PPP2R2B: variants seen among roughly 807,000 people sequenced by gnomAD.
The protein encoded by PPP2R2B is protein phosphatase 2 regulatory subunit Bbeta.
In PPP2R2B, 5 loss-of-function variants were observed where a neutral mutation model predicts 46.0. The ratio of observed to expected loss-of-function variants is 0.11; its 90% CI spans 0.06 to 0.23. The LOEUF (loss-of-function observed/expected upper bound fraction) is 0.23, where lower values mean the gene tolerates loss of function less well. Ranked by LOEUF, PPP2R2B falls within the 10% of genes least tolerant of loss-of-function variation. The probability of loss-of-function intolerance (pLI) is 1.00; values close to 1 mark genes in which losing one functional copy is unlikely to be tolerated. For synonymous variants in PPP2R2B, 215 were observed against 206.7 expected, an observed-to-expected ratio of 1.04 and a Z score of -0.34; for missense variants, 367 against 575.0, an observed-to-expected ratio of 0.64 and a Z score of 3.70.
rs184050005 is a variant in PPP2R2B at position 146,891,065 on chromosome 5, G to A, written c.79+164600C>T. ...TATCATGTCCCCAGCAAATTTTTTC[G>A]TAGAGAATAAAAGTGGCTGTCACAG... On this transcript the variant is annotated intron_variant, in intron 1 of 8. Transcript: ENST00000336640. Among the ~76,000 whole-genome samples the A allele has an allele frequency of 1.2e-3, 182 of 152,266 alleles. 1 individual carries two copies. The highest frequency in any genetic ancestry group is 4.2e-3 in the African/African-American group (174 of 41,554).
chr5:146,823,267 G>T (rs1477780430), intron 2 of PPP2R2B, among the ~76,000 whole-genome samples: 1 of 151,934 alleles, frequency 6.6e-6, no homozygotes, highest in East Asian at 1.9e-4. Flanking sequence ...GCATGATCTC[G>T]ACTCACTGCA....
At chr5:146,913,496 C>T (rs1028400783) in intron 1 of PPP2R2B, among the ~76,000 whole-genome samples, 2 of 151,880 alleles carry the variant, frequency 1.3e-5, no homozygotes, top group Admixed American at 6.6e-5. Context: ...CCAGTAATGA[C>T]TGAAATTCTA....
intron 1 of PPP2R2B, among the ~76,000 whole-genome samples, chr5:146,987,519 C>A (rs553468372): frequency 1.3e-5 from 2 of 151,904 alleles, no homozygotes; most frequent in Non-Finnish European, 2.9e-5. Context: ...TTTTTTGTTT[C>A]TTTTATTGTC....
At chr5:146,973,759 C>T (rs1172056494) in intron 1 of PPP2R2B, among the ~76,000 whole-genome samples, 1 of 152,104 alleles carries the variant, frequency 6.6e-6, no homozygotes, top group African/African-American at 2.4e-5. Flanking sequence ...TTTAAAACAT[C>T]TTTGACAAGG....
At chr5:146,787,921 C>T (rs1561907146) in intron 2 of PPP2R2B, among the ~76,000 whole-genome samples, 1 of 152,270 alleles carries the variant, frequency 6.6e-6, no homozygotes, top group East Asian at 1.9e-4. Context: ...TAACATGCTG[C>T]TTCAATGAAA....
At chr5:146,809,979 A>G (rs1381234503) in intron 2 of PPP2R2B, among the ~76,000 whole-genome samples, 1 of 152,134 alleles carries the variant, frequency 6.6e-6, no homozygotes, top group Non-Finnish European at 1.5e-5. Context: ...TTGCTAGCCA[A>G]TCTGTTGTGT....
chr5:146,694,876 G>A (rs148364794), intron 4 of PPP2R2B, among the ~76,000 whole-genome samples: 126 of 152,072 alleles, frequency 8.3e-4, no homozygotes, highest in Non-Finnish European at 1.2e-3. Flanking sequence ...TTTACAGTAT[G>A]CATTTGCCTA....
At chr5:146,764,302 C>T (rs909931860) in intron 2 of PPP2R2B, among the ~76,000 whole-genome samples, 1 of 152,154 alleles carries the variant, frequency 6.6e-6, no homozygotes, top group Non-Finnish European at 1.5e-5. Flanking sequence ...AGCCAGGAGC[C>T]ACTGAAGATT....
intron 2 of PPP2R2B, among the ~76,000 whole-genome samples, chr5:146,746,623 T>C (rs1253624590): frequency 6.6e-6 from 1 of 152,216 alleles, no homozygotes; most frequent in Non-Finnish European, 1.5e-5. Flanking sequence ...TAAAATCTTT[T>C]GGAATTTTCT....
chr5:147,069,536 C>T (rs1000580631), intron 2 of PPP2R2B, among the ~76,000 whole-genome samples: 3 of 152,148 alleles, frequency 2.0e-5, no homozygotes, highest in African/African-American at 7.2e-5. Context: ...TCTTCCCTTA[C>T]TGACCAATCC....
rs1245585258 is a variant in PPP2R2B at position 146,591,325 on chromosome 5, A to G, written c.1053-1099T>C. On this transcript the variant is annotated intron_variant, in intron 9 of 9. Transcript: ENST00000394411. ...TTTTGGGCACGTTGTCACCTGTACC[A>G]GGTAAATTAAGCAAAGGTTAGATTT... is the stretch of plus-strand genomic sequence containing the variant. Among the ~76,000 whole-genome samples, 5 of 152,342 alleles carry G rather than the reference A, an allele frequency of 3.3e-5. No individual in the cohort carries two copies. In the East Asian group the frequency reaches 9.6e-4, roughly 29 times the overall value.
Position 146,586,722 on chromosome 5 carries a change from T to G in PPP2R2B, c.*3225A>C, listed in dbSNP as rs763689963. On this transcript the variant is annotated 3_prime_UTR_variant, in exon 10 of 10. Coordinates refer to ENST00000394411, the MANE Select transcript of PPP2R2B (RefSeq NM_181675.4). ...GATCAATGAGAGGTTTAAAGGTGCT[T>G]TTTTTTCAATGGAAGAGTAAAGGCA... 3.3e-5 allele frequency: 5 copies of G among 152,120 alleles called. No homozygotes were observed. The highest frequency in any genetic ancestry group is 7.4e-5 in the Non-Finnish European group (5 of 68,022). The allele number at this position is 152,120 out of a possible 1,614,324, so 9.4% of individuals were successfully genotyped here. A position where few individuals can be genotyped will look rare whatever the true frequency, so the allele number is the denominator to read the frequency against.
At chr5:146,979,402 A>G (rs1466526262) in intron 1 of PPP2R2B, among the ~76,000 whole-genome samples, 1 of 152,182 alleles carries the variant, frequency 6.6e-6, no homozygotes, top group Non-Finnish European at 1.5e-5. Context: ...CCACTAGAAT[A>G]TAAACTCTGT....
intron 1 of PPP2R2B, among the ~76,000 whole-genome samples, chr5:146,955,218 G>A (rs1239056700): frequency 6.6e-6 from 1 of 152,122 alleles, no homozygotes; most frequent in Admixed American, 6.5e-5. Context: ...AAAGCCCCCA[G>A]ATGATTCTTA....
chr5:146,739,274 C>T (rs1752724519), intron 2 of PPP2R2B, among the ~76,000 whole-genome samples: 1 of 152,154 alleles, frequency 6.6e-6, no homozygotes, highest in African/African-American at 2.4e-5. Flanking sequence ...CTTGCCTTGG[C>T]CTCCCAAAGT....
At position 147,023,968 on chromosome 5, in the gene PPP2R2B, C is replaced by T. The variant is rs558364681; in HGVS notation, c.79+31697G>A. 5.3e-5 allele frequency among the ~76,000 whole-genome samples: 8 copies of T among 152,320 alleles called. 1 individual carries two copies. In the South Asian group the frequency reaches 1.7e-3, roughly 32 times the overall value. ...AATTTACACCAATGCCCCACAGGCCCCTCCAGTTCTCAGGTCCTGCACCTG... is the reference window on the plus strand; with the variant it reads ...AATTTACACCAATGCCCCACAGGCCTCTCCAGTTCTCAGGTCCTGCACCTG... On this transcript the variant is annotated intron_variant, in intron 1 of 8. Transcript: ENST00000336640.
chr5:146,676,016 C>T (rs940943630), intron 5 of PPP2R2B, among the ~76,000 whole-genome samples: 1 of 151,934 alleles, frequency 6.6e-6, no homozygotes, highest in Non-Finnish European at 1.5e-5. Context: ...CACTCATGGG[C>T]GGATTCACCT....
chr5:147,061,223 C>T (rs1757248116), intron 2 of PPP2R2B, among the ~76,000 whole-genome samples: 1 of 151,978 alleles, frequency 6.6e-6, no homozygotes, highest in African/African-American at 2.4e-5. Context: ...AATAAACAAA[C>T]ATTACATGAA....
At chr5:146,981,815 A>C (rs1389240251) in intron 1 of PPP2R2B, among the ~76,000 whole-genome samples, 1 of 152,184 alleles carries the variant, frequency 6.6e-6, no homozygotes, top group African/African-American at 2.4e-5. Flanking sequence ...CTTTGCAAGA[A>C]TGTTATATAA....
Sources: allele counts gnomAD v4.1 joint callset (sites outside exome capture counted in the v4.1 genomes callset), GRCh38; gene constraint gnomAD v4.1.1; transcripts MANE v1.5; gene names NCBI Gene and HGNC (gene_info 2026-07-23, HGNC 2026-07-21).